Variants in AKTIP observed in about 807,000 individuals in gnomAD.
The protein encoded by AKTIP is AKT-interacting protein.
In AKTIP, 16 loss-of-function variants were observed where a neutral mutation model predicts 39.1. The ratio of observed to expected loss-of-function variants is 0.41; its 90% CI spans 0.28 to 0.62. AKTIP has a LOEUF of 0.62. Among genes scored for constraint, AKTIP ranks in the 20% least tolerant of loss-of-function variants. The probability of loss-of-function intolerance (pLI) is 0.32; values close to 1 mark genes in which losing one functional copy is unlikely to be tolerated. For missense variants in AKTIP, 262 were observed against 356.6 expected (o/e 0.73, Z 2.14); for synonymous variants, 93 against 124.3 (o/e 0.75, Z 1.67).
chr16:53,495,464 C>T, intron 3 of AKTIP, 138 bp from the exon 4 acceptor site: 1 of 742,652 alleles, frequency 1.3e-6, no homozygotes. Context: ...CAAGTTCTCA[C>T]AATCTCTCAC....
intron 9 of AKTIP, 58 bp from the exon 10 acceptor site, chr16:53,492,577 CTG>C: frequency 2.5e-6 from 4 of 1,602,194 alleles, no homozygotes; most frequent in Non-Finnish European, 2.6e-6. Context: ...GATTTCAGCA[CTG>C]TACAAACTTG....
intron 3 of AKTIP, among the ~76,000 whole-genome samples, chr16:53,497,241 G>A (rs149844599): frequency 8.4e-4 from 128 of 152,296 alleles, no homozygotes; most frequent in African/African-American, 3.1e-3. Flanking sequence ...GTGTGTGCCA[G>A]GCACCACAGG....
At position 53,495,316 on chromosome 16, in the gene AKTIP, C is replaced by A. The variant is rs969422442; in HGVS notation, c.259G>T (p.Val87Leu). ...YSLLAEFTLV[V>L]KQKLPGVYVQ... ...TAGACGCCTGGTAGCTTCTGCTTCA[C>A]AACCAAGGTACTACAACAAAAGCAG... The change falls in exon 4 of 10, where the codon GTG becomes TTG. Residue 87 changes from valine to leucine, a missense_variant. Transcript: ENST00000394657. 6.2e-7 allele frequency: 1 copy of A among 1,614,212 alleles called. No homozygotes were observed.
At chr16:53,495,764 C>CAAAAACTTTT (rs1961794490) in intron 3 of AKTIP, among the ~76,000 whole-genome samples, 2 of 152,196 alleles carry the variant, frequency 1.3e-5, no homozygotes, top group Admixed American at 1.3e-4. Context: ...GATGATCATT[C>CAAAAACTTTT]AAAAACTTTT....
intron 8 of AKTIP, 191 bp downstream of exon 8, chr16:53,493,947 T>C (rs751728901): frequency 8.1e-5 from 45 of 554,466 alleles, no homozygotes; most frequent in Non-Finnish European, 1.3e-4. Flanking sequence ...GCCTGTCAGA[T>C]GTGAAGCTTT....
Position 53,491,393 on chromosome 16 carries a change from A to ATATC in AKTIP, c.*1015_*1018dup, listed in dbSNP as rs1196059434. 2.0e-5 allele frequency: 3 copies of ATATC among 152,288 alleles called. No individual in the cohort carries two copies. The highest frequency in any genetic ancestry group is 4.8e-5 in the African/African-American group (2 of 41,464). 9.4% of individuals were successfully genotyped at this position (152,288 alleles called of 1,614,324 possible). On this transcript the variant is annotated 3_prime_UTR_variant, in exon 10 of 10. Transcript: ENST00000394657. ...TATTTAACAGCTGAATTATCTATAC[A>ATATC]TATCTTTATTAATCACTATTGTTCC...
chr16:53,500,136 A>G, intron 2 of AKTIP, 82 bp downstream of exon 2: 1 of 1,076,236 alleles, frequency 9.3e-7, no homozygotes, highest in East Asian at 2.5e-5. Context: ...ACCGTGACAG[A>G]TTATTTTAGC....
rs1961428444 is a variant in AKTIP, at chr16:53,491,233, T to TCA, written c.*1178_*1179insTG. 1 of 152,120 alleles carries TCA rather than the reference T, an allele frequency of 6.6e-6. No homozygotes were observed. The highest frequency in any genetic ancestry group is 1.5e-5 in the Non-Finnish European group (1 of 68,024). 9.4% of individuals were successfully genotyped at this position (152,120 alleles called of 1,614,324 possible). ...TATGACCTCTTCCTTTAGGAGGGAG[T>TCA]TATCTAAAAGAAATGTCTATTAAGG... On this transcript the variant is annotated 3_prime_UTR_variant, in exon 10 of 10. Transcript: ENST00000394657.
rs1208224739 is a variant in AKTIP at position 53,492,494 on chromosome 16, C to T, written c.797G>A (p.Ser266Asn). Residue 266 changes from serine (S) to asparagine (N), a missense_variant, in exon 10 of 10, where the codon AGT becomes AAT. Physicochemically the swap from Ser to Asn is conservative, Grantham distance 46. Around this residue, in one of 4 missense-constraint regions of AKTIP, gnomAD observed 145 missense variants for 159.3 expected, o/e 0.91. Transcript: ENST00000394657. Reference sequence around the variant, plus strand: ...CCATGACAGGCCAGCAACATGAACACTTTTATTGTGCTGTTCTTCAGGCTT... The same window carrying T: ...CCATGACAGGCCAGCAACATGAACATTTTTATTGTGCTGTTCTTCAGGCTT... ...QKKPEEQHNK[S>N]VHVAGLSWVK... is the part of the protein sequence containing the mutation. The T allele has an allele frequency of 6.2e-7, 1 of 1,614,002 alleles. No homozygotes were observed. The highest frequency in any genetic ancestry group is 2.2e-5 in the East Asian group (1 of 44,896).
intron 2 of AKTIP, 111 bp from the exon 3 acceptor site, chr16:53,498,707 C>CGT: frequency 1.8e-6 from 2 of 1,084,766 alleles, no homozygotes; most frequent in Non-Finnish European, 2.8e-6. Context: ...CAAGCACATT[C>CGT]TAACACCATG....
chr16:53,503,928 CTG>C (rs1464856900), upstream of AKTIP, among the ~76,000 whole-genome samples: 1 of 151,454 alleles, frequency 6.6e-6, no homozygotes, highest in Non-Finnish European at 1.5e-5. Flanking sequence ...CTTTGTAAAT[CTG>C]TGTGTGTCGG....
rs1228574477 is a variant in AKTIP, at chr16:53,491,631, T to A, written c.*781A>T. ...ATATGAAGATAAGTGTATTTTTCAA[T>A]AAAGCATTTATAAATTAGCCTTTGT... On this transcript the variant is annotated 3_prime_UTR_variant, in exon 10 of 10. Transcript: ENST00000394657. 1 of 152,650 alleles carries A rather than the reference T, an allele frequency of 6.6e-6. No homozygotes were observed. The highest frequency in any genetic ancestry group is 1.5e-5 in the Non-Finnish European group (1 of 68,034). 9.5% of individuals were successfully genotyped at this position (152,650 alleles called of 1,614,324 possible).
chr16:53,492,597 A>G, intron 9 of AKTIP, 78 bp from the exon 10 acceptor site: 2 of 1,602,838 alleles, frequency 1.2e-6, no homozygotes, highest in Non-Finnish European at 1.7e-6. Flanking sequence ...TTGTTTCCCA[A>G]AAAAAGTTAC....
chr16:53,499,866 C>G (rs1275873194), intron 2 of AKTIP, among the ~76,000 whole-genome samples: 3 of 152,086 alleles, frequency 2.0e-5, no homozygotes, highest in Admixed American at 6.5e-5. Flanking sequence ...CCCCTCAAGT[C>G]TGATTTAATG....
chr16:53,493,238 A>G (rs1961604443), intron 8 of AKTIP: 1 of 158,338 alleles, frequency 6.3e-6, no homozygotes, highest in South Asian at 1.8e-4. Flanking sequence ...ATCTTGGCTC[A>G]CTGCAACTTC....
At chr16:53,503,097 G>T (rs1324524737) in intron 1 of AKTIP, 50 bp downstream of exon 1, 1 of 152,396 alleles carries the variant, frequency 6.6e-6, no homozygotes, top group Non-Finnish European at 1.5e-5. Context: ...CAGATTTACA[G>T]ACACCTCAGC....
In AKTIP at chr16:53,494,231, A is replaced by G. The variant is rs1354301019; in HGVS notation, c.617T>C (p.Ile206Thr). The change falls in exon 8 of 10, where the codon ATT (isoleucine) becomes ACT (threonine). Residue 206 changes from isoleucine (I) to threonine (T), a missense_variant. Physicochemically the swap from Ile to Thr is moderately conservative, Grantham distance 89 (BLOSUM62 -1). Around this residue, in one of 4 missense-constraint regions of AKTIP, gnomAD observed 145 missense variants for 159.3 expected, o/e 0.91. Transcript: ENST00000394657. ...AACAACTTTACTTTTAAAAAGCTGA[A>G]TATCTTTTTCATACCTGTGTTAAAA... The part of the protein sequence containing the change: ...PEAAVLYEKD[I>T]QLFKSKVVDS... 4.3e-6 allele frequency: 7 copies of G among 1,613,962 alleles called. No homozygotes were observed. Among genetic ancestry groups the G allele is most frequent in the Non-Finnish European group, 4.2e-6 (5 of 1,179,916 alleles).
rs746359591 is a variant in AKTIP at position 53,498,424 on chromosome 16, G to A, written c.215C>T (p.Pro72Leu). ...STNGTHASYG[P>L]FYLEYSLLAE... The stretch of plus-strand genomic sequence containing the variant: ...AAGAAGAGAGTATTCCAGGTAGAAG[G>A]GTCCATAGGACGCATGCGTGCCATT... The change falls in exon 3 of 10, where the codon CCC (proline) becomes CTC (leucine). Residue 72 changes from proline to leucine, a missense_variant. Physicochemically the swap from Pro to Leu is moderately conservative, Grantham distance 98. Coordinates refer to ENST00000394657, the MANE Select transcript of AKTIP (RefSeq NM_022476.4). 8 of 1,613,948 alleles carry A rather than the reference G, an allele frequency of 5.0e-6. No individual in the cohort carries two copies. The South Asian group carries it at 8.8e-5, about 18-fold the overall frequency.
chr16:53,496,908 T>C (rs1262391629), intron 3 of AKTIP, among the ~76,000 whole-genome samples: 1 of 152,152 alleles, frequency 6.6e-6, no homozygotes, highest in South Asian at 2.1e-4. Flanking sequence ...AGAGCTCAAA[T>C]GATCCTCCCA....
Sources: allele counts gnomAD v4.1 joint callset (sites outside exome capture counted in the v4.1 genomes callset), GRCh38; gene constraint gnomAD v4.1.1; regional missense constraint gnomAD v4.1.1; transcripts MANE v1.5; gene names NCBI Gene and HGNC (gene_info 2026-07-23, HGNC 2026-07-21).